ROR1: variants seen among roughly 807,000 people sequenced by gnomAD.
ROR1 encodes the protein inactive tyrosine-protein kinase transmembrane receptor ROR1.
In ROR1, 19 loss-of-function variants were observed where a neutral mutation model predicts 78.8. That is an observed-to-expected ratio of 0.24 (90% confidence interval 0.17 to 0.35). ROR1 has a LOEUF of 0.35. Ranked by LOEUF, ROR1 falls within the 10% of genes least tolerant of loss-of-function variation. ROR1 has a pLI of 1.00. For synonymous variants in ROR1, 386 were observed against 433.6 expected, an observed-to-expected ratio of 0.89 and a Z score of 1.36; for missense variants, 917 against 1,177.8, an observed-to-expected ratio of 0.78 and a Z score of 3.24.
chr1:64,116,987 A>G (rs1648338551), intron 4 of ROR1, among the ~76,000 whole-genome samples: 1 of 152,202 alleles, frequency 6.6e-6, no homozygotes, highest in Non-Finnish European at 1.5e-5. Flanking sequence ...CCTTGAGGGA[A>G]GAAATCAAGT....
At chr1:63,921,848 G>T (rs1008955404) in intron 1 of ROR1, among the ~76,000 whole-genome samples, 21 of 152,162 alleles carry the variant, frequency 1.4e-4, no homozygotes, top group Admixed American at 1.4e-3. Context: ...GACTGCAGAA[G>T]TGAGACAGGA....
intron 8 of ROR1, among the ~76,000 whole-genome samples, chr1:64,166,356 T>C (rs562717170): frequency 1.2e-4 from 18 of 152,326 alleles, no homozygotes; most frequent in African/African-American, 4.3e-4. Context: ...TTTAGTTCCA[T>C]GTGAATTTTT....
chr1:64,079,437 TC>T lies in ROR1; in HGVS notation c.482+28724del, dbSNP rs572904624. Among the ~76,000 whole-genome samples the T allele has an allele frequency of 2.3e-3, 352 of 152,066 alleles. 3 individuals carry two copies. The highest frequency in any genetic ancestry group is 8.1e-3 in the African/African-American group (338 of 41,514). On this transcript the variant is annotated intron_variant, in intron 4 of 8. Coordinates refer to ENST00000371079, the MANE Select transcript of ROR1 (RefSeq NM_005012.4). ...CCAATTTTGGCATTCTTGCAGGTTG[TC>T]CCACTGTCTGAGCAAGAGAATCTTG...
intron 2 of ROR1, among the ~76,000 whole-genome samples, chr1:64,040,360 T>A (rs2100580810): frequency 6.6e-6 from 1 of 152,308 alleles, no homozygotes; most frequent in South Asian, 2.1e-4. Context: ...GTTAAGTTTG[T>A]TTCTGCTCAT....
chr1:63,930,216 AG>A (rs1645740607), intron 1 of ROR1, among the ~76,000 whole-genome samples: 1 of 152,072 alleles, frequency 6.6e-6, no homozygotes, highest in South Asian at 2.1e-4. Flanking sequence ...CTTTAAAGGC[AG>A]GGATTCCGGC....
chr1:63,881,213 A>G (rs554415682), intron 1 of ROR1, among the ~76,000 whole-genome samples: 1 of 152,258 alleles, frequency 6.6e-6, no homozygotes, highest in East Asian at 1.9e-4. Flanking sequence ...ATAATAAATG[A>G]GTTTCTCTAG....
At chr1:63,791,391 A>G (rs897362882) in intron 1 of ROR1, among the ~76,000 whole-genome samples, 1 of 152,162 alleles carries the variant, frequency 6.6e-6, no homozygotes, top group African/African-American at 2.4e-5. Context: ...AGGCACTAAA[A>G]CAAGAGCCCA....
At chr1:64,175,039 A>T (rs1300997425) in intron 8 of ROR1, among the ~76,000 whole-genome samples, 2 of 150,044 alleles carry the variant, frequency 1.3e-5, no homozygotes, top group African/African-American at 2.5e-5. Context: ...TATTTAATTT[A>T]AAAAAATAGT....
chr1:64,130,140 G>A lies in ROR1; in HGVS notation c.483-7229G>A, dbSNP rs115104092. Among the ~76,000 whole-genome samples, 331 of 152,166 alleles carry A rather than the reference G, an allele frequency of 2.2e-3. 2 individuals carry two copies. The highest frequency in any genetic ancestry group is 7.5e-3 in the African/African-American group (312 of 41,506). On this transcript the variant is annotated intron_variant, in intron 4 of 8. Coordinates refer to ENST00000371079, the MANE Select transcript of ROR1 (RefSeq NM_005012.4). ...ATGTGGGAACCAGCATGTGATATTC[G>A]ACACAGTCACCTCAAAATTGCTTAT...
chr1:64,152,310 C>A (rs761077017), intron 7 of ROR1, among the ~76,000 whole-genome samples: 1 of 152,198 alleles, frequency 6.6e-6, no homozygotes, highest in Non-Finnish European at 1.5e-5. Context: ...CCATTCTTCT[C>A]CTCTAGGTGT....
chr1:63,906,775 A>C (rs773361852), intron 1 of ROR1, among the ~76,000 whole-genome samples: 2 of 152,224 alleles, frequency 1.3e-5, no homozygotes, highest in Non-Finnish European at 2.9e-5. Context: ...AGTTTCTGAA[A>C]TACCATTCTC....
At chr1:63,798,404 A>G (rs531822766) in intron 1 of ROR1, among the ~76,000 whole-genome samples, 42 of 152,256 alleles carry the variant, frequency 2.8e-4, no homozygotes, top group East Asian at 1.4e-3. Flanking sequence ...CCTGTGAGGA[A>G]CAAGTCAGTG....
chr1:64,033,944 C>T (rs1285727670), intron 2 of ROR1, among the ~76,000 whole-genome samples: 1 of 152,154 alleles, frequency 6.6e-6, no homozygotes, highest in Non-Finnish European at 1.5e-5. Flanking sequence ...CCCAGGTCCA[C>T]CCATCTCTTT....
At chr1:63,899,183 C>G (rs1377677369) in intron 1 of ROR1, among the ~76,000 whole-genome samples, 6 of 152,132 alleles carry the variant, frequency 3.9e-5, no homozygotes, top group Admixed American at 3.9e-4. Flanking sequence ...CTTTGCCTTC[C>G]TCATCAGTCT....
At position 64,133,442 on chromosome 1, in the gene ROR1, G is replaced by A. The variant is rs567446342; in HGVS notation, c.483-3927G>A. On this transcript the variant is annotated intron_variant, in intron 4 of 8. Transcript: ENST00000371079. ...CCGCACTGTTCCACGATCCCTCTTA[G>A]CACTCTTCAAATATCCTTCATAAGC... 5.3e-5 allele frequency among the ~76,000 whole-genome samples: 8 copies of A among 152,302 alleles called. No homozygotes were observed. In the South Asian group the frequency reaches 1.5e-3, roughly 28 times the overall value.
At chr1:63,816,443 C>G (rs1421253385) in intron 1 of ROR1, among the ~76,000 whole-genome samples, 1 of 152,226 alleles carries the variant, frequency 6.6e-6, no homozygotes, top group Non-Finnish European at 1.5e-5. Context: ...AGCTCTTTCT[C>G]TCTTTGCCTG....
intron 7 of ROR1, among the ~76,000 whole-genome samples, chr1:64,156,049 A>C (rs970055154): frequency 1.3e-5 from 2 of 152,134 alleles, no homozygotes; most frequent in Admixed American, 6.5e-5. Context: ...GAGATCAGAG[A>C]GATTGTTTCT....
In ROR1 at chr1:63,882,891, T is replaced by C. The variant is rs77861203; in HGVS notation, c.91+108383T>C. On this transcript the variant is annotated intron_variant, in intron 1 of 8. Transcript: ENST00000371079. Reference sequence around the variant, plus strand: ...TAGGCTGAGGAGATATTTTGGTTGATGATTTTAGGGTTACTAAACCCAGAA... The same window carrying C: ...TAGGCTGAGGAGATATTTTGGTTGACGATTTTAGGGTTACTAAACCCAGAA... 4.0e-3 allele frequency among the ~76,000 whole-genome samples: 611 copies of C among 151,992 alleles called. 5 individuals carry two copies. The highest frequency in any genetic ancestry group is 0.014 in the African/African-American group (563 of 41,268).
At chr1:63,958,337 G>T (rs1004849198) in intron 1 of ROR1, among the ~76,000 whole-genome samples, 1 of 152,036 alleles carries the variant, frequency 6.6e-6, no homozygotes, top group African/African-American at 2.4e-5. Context: ...CATGCCTCCT[G>T]TATGCCTGTA....
Sources: gnomAD v4.1 joint callset for allele counts (sites outside exome capture counted in the v4.1 genomes callset) on GRCh38, gnomAD v4.1.1 for gene constraint, MANE v1.5 for transcripts, NCBI Gene and HGNC (gene_info 2026-07-23, HGNC 2026-07-21) for gene names.